The following ZNF503 variants were observed in gnomAD, a reference collection of about 807,000 sequenced individuals.
ZNF503 encodes the protein NocA-like zinc finger 2.
In ZNF503, 15 loss-of-function variants were observed where a neutral mutation model predicts 34.4. That is an observed-to-expected ratio of 0.44 (90% CI 0.29 to 0.67). ZNF503 has a LOEUF of 0.67. ZNF503 is among the 30% of genes least tolerant of loss of function. The probability of loss-of-function intolerance (pLI) is 0.13; values close to 1 mark genes in which losing one functional copy is unlikely to be tolerated. For missense variants in ZNF503, 1,007 were observed against 926.8 expected, an observed-to-expected ratio of 1.09 and a Z score of -1.12; for synonymous variants, 580 against 456.8, an observed-to-expected ratio of 1.27 and a Z score of -3.44.
At chr10:75,387,950 G>A in the ZNF503 span, among the ~76,000 whole-genome samples, 1 of 152,322 alleles carries the variant, frequency 6.6e-6, no homozygotes, top group Non-Finnish European at 1.5e-5. Context: ...GTTTCCTCTG[G>A]TGTAAAGGAT....
chr10:75,376,711 C>T, the ZNF503 span, among the ~76,000 whole-genome samples: 2 of 152,120 alleles, frequency 1.3e-5, no homozygotes, highest in Non-Finnish European at 2.9e-5. Context: ...TTAATTGACT[C>T]ACAATTCTGC....
At chr10:75,362,892 G>A in the ZNF503 span, among the ~76,000 whole-genome samples, 3 of 152,204 alleles carry the variant, frequency 2.0e-5, no homozygotes, top group Admixed American at 6.5e-5. Context: ...CAAAATGGCC[G>A]GAATGAAATC....
the ZNF503 span, among the ~76,000 whole-genome samples, chr10:75,317,370 C>T: frequency 0.02 from 2,859 of 140,852 alleles, 106 homozygotes; most frequent in African/African-American, 0.071. Context: ...CTCCATCTCT[C>T]GGGTTCACGC....
the ZNF503 span, among the ~76,000 whole-genome samples, chr10:75,325,581 G>A: frequency 6.6e-6 from 1 of 152,092 alleles, no homozygotes; most frequent in Non-Finnish European, 1.5e-5. Flanking sequence ...TTTTGAAATT[G>A]TTTTGGCTAT....
chr10:75,388,684 T>G, the ZNF503 span, among the ~76,000 whole-genome samples: 1 of 152,212 alleles, frequency 6.6e-6, no homozygotes, highest in Non-Finnish European at 1.5e-5. Flanking sequence ...AGTGCCTCCT[T>G]CATAGAGTTC....
At chr10:75,375,291 T>C in the ZNF503 span, among the ~76,000 whole-genome samples, 6 of 151,772 alleles carry the variant, frequency 4.0e-5, no homozygotes, top group African/African-American at 1.5e-4. Context: ...TGGCTAATTT[T>C]TTTGTATTTT....
chr10:75,386,001 C>G, the ZNF503 span, among the ~76,000 whole-genome samples: 1 of 152,208 alleles, frequency 6.6e-6, no homozygotes, highest in South Asian at 2.1e-4. Flanking sequence ...AAAAGTCTAT[C>G]TCCCTGCCAA....
At chr10:75,297,268 C>T in the ZNF503 span, among the ~76,000 whole-genome samples, 12 of 152,264 alleles carry the variant, frequency 7.9e-5, no homozygotes, top group African/African-American at 2.9e-4. Context: ...CTGACCCCCA[C>T]CCCCGACTCT....
At chr10:75,291,762 T>A in the ZNF503 span, among the ~76,000 whole-genome samples, 1 of 152,312 alleles carries the variant, frequency 6.6e-6, no homozygotes, top group African/African-American at 2.4e-5. Flanking sequence ...AGGACTAGGA[T>A]AAGGATGAAC....
At chr10:75,394,541 G>A (rs1337518069), downstream of ZNF503, among the ~76,000 whole-genome samples, 2 of 152,216 alleles carry the variant, frequency 1.3e-5, no homozygotes, top group African/African-American at 2.4e-5. Context: ...AACCGATTGC[G>A]CTGCTGGAGC....
At chr10:75,366,372 C>T in the ZNF503 span, among the ~76,000 whole-genome samples, 8 of 152,134 alleles carry the variant, frequency 5.3e-5, no homozygotes, top group African/African-American at 1.7e-4. Context: ...TAAAAAACAC[C>T]GTCTGCTCAT....
the ZNF503 span, among the ~76,000 whole-genome samples, chr10:75,321,827 G>A: frequency 3.9e-5 from 6 of 152,152 alleles, no homozygotes; most frequent in Non-Finnish European, 8.8e-5. Context: ...GGGAAACAGA[G>A]AGTAAAAGTT....
At chr10:75,366,650 C>T in the ZNF503 span, among the ~76,000 whole-genome samples, 1 of 152,182 alleles carries the variant, frequency 6.6e-6, no homozygotes, top group African/African-American at 2.4e-5. Flanking sequence ...ACACAGTGCC[C>T]CAAGGCCTTT....
chr10:75,356,050 A>T, the ZNF503 span, among the ~76,000 whole-genome samples: 7 of 152,180 alleles, frequency 4.6e-5, no homozygotes, highest in African/African-American at 1.4e-4. Flanking sequence ...GGAGAGAGTG[A>T]CAAGTGAAAG....
At chr10:75,375,435 A>G in the ZNF503 span, among the ~76,000 whole-genome samples, 1 of 152,142 alleles carries the variant, frequency 6.6e-6, no homozygotes. Flanking sequence ...AGGCTTTCAT[A>G]TGTAAATATA....
At chr10:75,352,322 A>G in the ZNF503 span, among the ~76,000 whole-genome samples, 1 of 152,222 alleles carries the variant, frequency 6.6e-6, no homozygotes, top group Non-Finnish European at 1.5e-5. Context: ...TCAATCTGAT[A>G]GGAGCAATAG....
chr10:75,399,912 C>A lies in ZNF503; in HGVS notation c.778G>T (p.Val260Leu). The A allele has an allele frequency of 6.2e-7, 1 of 1,605,916 alleles. No homozygotes were observed. Among genetic ancestry groups the A allele is most frequent in the Non-Finnish European group, 8.5e-7 (1 of 1,178,474 alleles). The change falls in exon 2 of 2, where the codon GTG (valine) becomes TTG (leucine). Residue 260 changes from valine to leucine, a missense_variant. Transcript: ENST00000372524. Reference protein sequence around the residue: ...EGKDDKKDTDVGGGGKGTGGA... With the variant: ...EGKDDKKDTDLGGGGKGTGGA... ...CCGGTGCCCTTGCCACCGCCGCCCA[C>A]GTCGGTGTCTTTCTTGTCGTCCTTG...
the ZNF503 span, among the ~76,000 whole-genome samples, chr10:75,371,520 C>A: frequency 9.9e-5 from 15 of 152,170 alleles, no homozygotes; most frequent in Non-Finnish European, 1.6e-4. Flanking sequence ...TACGGCCTAC[C>A]ATGGCTGCTC....
the ZNF503 span, among the ~76,000 whole-genome samples, chr10:75,310,213 A>C: frequency 6.6e-6 from 1 of 152,214 alleles, no homozygotes; most frequent in African/African-American, 2.4e-5. Context: ...CATTATATAT[A>C]AACAAATATT....
Sources: allele counts gnomAD v4.1 joint callset (sites outside exome capture counted in the v4.1 genomes callset), GRCh38; gene constraint gnomAD v4.1.1; transcripts MANE v1.5; gene names NCBI Gene and HGNC (gene_info 2026-07-23, HGNC 2026-07-21).